The following QPCT variants were observed in gnomAD, a reference collection of about 807,000 sequenced individuals.
QPCT encodes EC.
Under a neutral mutation model 43.4 loss-of-function variants are expected in QPCT, and 44 were observed. The observed-to-expected ratio is 1.01, with a 90% CI of 0.80 to 1.30. The LOEUF (loss-of-function observed/expected upper bound fraction) is 1.30, where lower values mean the gene tolerates loss of function less well. Among genes scored for constraint, QPCT ranks in the 50% most tolerant of loss-of-function variants. The pLI is 0.00. For missense variants in QPCT, 526 were observed against 436.5 expected (o/e 1.21, Z -1.83); for synonymous variants, 168 against 168.4 (o/e 1.00, Z 0.02).
intron 5 of QPCT, among the ~76,000 whole-genome samples, chr2:37,369,992 T>C (rs535534482): frequency 1.3e-5 from 2 of 152,220 alleles, no homozygotes; most frequent in African/African-American, 4.8e-5. Context: ...TCATGTTTAG[T>C]AGAGACGGGG....
chr2:37,367,120 T>C, intron 3 of QPCT, 112 bp from the exon 4 acceptor site: 1 of 1,226,478 alleles, frequency 8.2e-7, no homozygotes, highest in Non-Finnish European at 1.1e-6. Context: ...CTTGCTTTGG[T>C]ATCTTCCTTT....
chr2:37,349,268 A>G (rs73928027), intron 1 of QPCT, among the ~76,000 whole-genome samples: 346 of 152,316 alleles, frequency 2.3e-3, no homozygotes, highest in African/African-American at 8.1e-3. Context: ...CAGGAGGTTG[A>G]GGAGCAAACA....
At chr2:37,365,157 CAGTG>C (rs1170630591) in intron 3 of QPCT, among the ~76,000 whole-genome samples, 2 of 151,836 alleles carry the variant, frequency 1.3e-5, no homozygotes, top group South Asian at 2.1e-4. Flanking sequence ...GATATCAAGA[CAGTG>C]AGTGAGTGTG....
chr2:37,364,542 G>C, intron 3 of QPCT, among the ~76,000 whole-genome samples: 1 of 152,232 alleles, frequency 6.6e-6, no homozygotes, highest in Non-Finnish European at 1.5e-5. Context: ...CAAAGCAAAT[G>C]AAAGAGAGGC....
intron 1 of QPCT, among the ~76,000 whole-genome samples, chr2:37,349,792 T>G (rs1027384868): frequency 5.3e-5 from 8 of 151,502 alleles, no homozygotes; most frequent in African/African-American, 4.9e-5. Flanking sequence ...TCTTTATGCT[T>G]GCTTGTGCAT....
Position 37,365,641 on chromosome 2 carries a change from G to A in QPCT, c.547-1591G>A, listed in dbSNP as rs578169450. On this transcript the variant is annotated intron_variant, in intron 3 of 6. Transcript: ENST00000338415. ...ATTATCCAGCAGAGATAGAAAAATT[G>A]ATGATGTAGGAGAGAAATGGTATTT... Among the ~76,000 whole-genome samples, 10 of 152,336 alleles carry A rather than the reference G, an allele frequency of 6.6e-5. No individual in the cohort carries two copies. The South Asian group carries it at 1.7e-3, about 25-fold the overall frequency.
Position 37,352,786 on chromosome 2 carries a change from C to G in QPCT, c.121-3C>G, listed in dbSNP as rs1357522863. 6.2e-7 allele frequency: 1 copy of G among 1,613,394 alleles called. No individual in the cohort carries two copies. Among genetic ancestry groups the G allele is most frequent in the South Asian group, 1.1e-5 (1 of 91,036 alleles). The stretch of plus-strand genomic sequence containing the variant: ...TAGTTAAATGATTTCATTCAATCCT[C>G]AGAATTACCACCAGCCAGCCATTTT... On this transcript the variant is annotated splice_region_variant and splice_polypyrimidine_tract_variant and intron_variant, in intron 1 of 6. Transcript: ENST00000338415.
At chr2:37,363,960 G>A (rs978474216) in intron 3 of QPCT, among the ~76,000 whole-genome samples, 4 of 152,112 alleles carry the variant, frequency 2.6e-5, no homozygotes, top group African/African-American at 9.7e-5. Context: ...AAAAGGAGAC[G>A]ATTATGACTT....
In QPCT at chr2:37,344,704, G is replaced by A. The variant is rs371745631; in HGVS notation, c.-28G>A. On this transcript the variant is annotated 5_prime_UTR_variant, in exon 1 of 7. Transcript: ENST00000338415. The stretch of plus-strand genomic sequence containing the variant: ...GGCTCGTGACCGCCAGCGGCCCGGG[G>A]AACCCGCTCCCAGACAGACTCGGAG... 7.0e-4 allele frequency: 1,114 copies of A among 1,584,210 alleles called. 1 individual carries two copies. The highest frequency in any genetic ancestry group is 5.8e-4 in the Non-Finnish European group (671 of 1,166,730).
intron 1 of QPCT, among the ~76,000 whole-genome samples, chr2:37,351,992 G>A (rs1035744324): frequency 1.3e-5 from 2 of 149,846 alleles, no homozygotes; most frequent in Admixed American, 1.3e-4. Flanking sequence ...TTGCACCACT[G>A]CACTCCAGCC....
At chr2:37,365,204 C>T (rs1231669800) in intron 3 of QPCT, among the ~76,000 whole-genome samples, 2 of 151,804 alleles carry the variant, frequency 1.3e-5, no homozygotes, top group Non-Finnish European at 2.9e-5. Flanking sequence ...TGGAGCAAGC[C>T]CCTGAGGCTC....
chr2:37,344,857 G>A lies in QPCT; in HGVS notation c.120+6G>A, dbSNP rs1333029973. 8 of 1,579,008 alleles carry A rather than the reference G, an allele frequency of 5.1e-6. No homozygotes were observed. In the African/African-American group the frequency reaches 8.2e-5, roughly 16 times the overall value. On this transcript the variant is annotated splice_donor_region_variant and intron_variant, in intron 1 of 6. Transcript: ENST00000338415. ...CAGCCTGGCCAGAGGAGAAGGTGAG[G>A]GGCTGTTTCTGCGTAGTTGTACTTG... is the stretch of plus-strand genomic sequence containing the variant.
chr2:37,363,426 C>G (rs1017895496), intron 3 of QPCT, among the ~76,000 whole-genome samples: 1 of 140,558 alleles, frequency 7.1e-6, no homozygotes, highest in African/African-American at 2.7e-5. Context: ...AGTTTGAGAC[C>G]AGCCTGGGCA....
chr2:37,372,479 T>C lies in QPCT; in HGVS notation c.940+7T>C, dbSNP rs1673099526. ...ATTCCATTTTTAAGAAGAGGTAATG[T>C]GTGTGTGTGTGTGTGTTTGTGTGTG... is the stretch of plus-strand genomic sequence containing the variant. On this transcript the variant is annotated splice_region_variant and intron_variant, in intron 6 of 6. Coordinates refer to ENST00000338415, the MANE Select transcript of QPCT (RefSeq NM_012413.4). 6.4e-7 allele frequency: 1 copy of C among 1,556,632 alleles called. No homozygotes were observed. The highest frequency in any genetic ancestry group is 8.8e-7 in the Non-Finnish European group (1 of 1,131,982).
At chr2:37,363,091 C>T (rs1173209273) in intron 3 of QPCT, among the ~76,000 whole-genome samples, 3 of 152,190 alleles carry the variant, frequency 2.0e-5, no homozygotes. Flanking sequence ...CTCCCATCTT[C>T]AGCACCAGAA....
chr2:37,347,409 G>A (rs1170247466), intron 1 of QPCT, among the ~76,000 whole-genome samples: 1 of 150,800 alleles, frequency 6.6e-6, no homozygotes, highest in Admixed American at 6.6e-5. Flanking sequence ...TTCTTCTTCT[G>A]TGCTTTTCTA....
intron 2 of QPCT, among the ~76,000 whole-genome samples, chr2:37,357,223 G>A (rs1410114577): frequency 6.6e-6 from 1 of 150,900 alleles, no homozygotes; most frequent in Non-Finnish European, 1.5e-5. Context: ...AATTGGTGTT[G>A]AAGAAGCCAT....
At chr2:37,351,061 T>C (rs1361622359) in intron 1 of QPCT, among the ~76,000 whole-genome samples, 1 of 152,208 alleles carries the variant, frequency 6.6e-6, no homozygotes, top group Non-Finnish European at 1.5e-5. Context: ...TAAACAGCCA[T>C]CTCGGAGTAT....
chr2:37,345,039 C>G (rs1407889857), intron 1 of QPCT, among the ~76,000 whole-genome samples, 188 bp downstream of exon 1: 1 of 152,172 alleles, frequency 6.6e-6, no homozygotes, highest in Non-Finnish European at 1.5e-5. Context: ...GTGCCTCGGC[C>G]AGTCCGGGGC....
Sources: gnomAD v4.1 joint callset for allele counts (sites outside exome capture counted in the v4.1 genomes callset) on GRCh38, gnomAD v4.1.1 for gene constraint, MANE v1.5 for transcripts, NCBI Gene and HGNC (gene_info 2026-07-23, HGNC 2026-07-21) for gene names.